The following KIAA1217 variants were observed in gnomAD, a reference collection of about 807,000 sequenced individuals.
The protein encoded by KIAA1217 is sickle tail protein homolog.
In KIAA1217, 88 loss-of-function variants were observed where a neutral mutation model predicts 163.9. That is an observed-to-expected ratio of 0.54 (90% CI 0.45 to 0.64). KIAA1217 has a LOEUF of 0.64. Ranked by LOEUF, KIAA1217 falls within the 30% of genes least tolerant of loss-of-function variation. The pLI is 0.00. For synonymous variants in KIAA1217, 903 were observed against 923.1 expected, an observed-to-expected ratio of 0.98 and a Z score of 0.39; for missense variants, 2,372 against 2,475.0, an observed-to-expected ratio of 0.96 and a Z score of 0.88.
intron 2 of KIAA1217, among the ~76,000 whole-genome samples, chr10:24,318,049 G>A (rs1024738369): frequency 2.0e-5 from 3 of 152,168 alleles, no homozygotes; most frequent in African/African-American, 7.2e-5. Flanking sequence ...GCTCATGCCT[G>A]CAATCCCAGC....
intron 1 of KIAA1217, among the ~76,000 whole-genome samples, chr10:23,951,607 T>C (rs1159630056): frequency 3.3e-5 from 5 of 152,050 alleles, no homozygotes; most frequent in African/African-American, 1.2e-4. Flanking sequence ...GAGCCATGAT[T>C]GTACCACTGC....
At chr10:24,093,308 T>C (rs1245360531) in intron 2 of KIAA1217, among the ~76,000 whole-genome samples, 3 of 151,574 alleles carry the variant, frequency 2.0e-5, no homozygotes, top group African/African-American at 2.4e-5. Context: ...GTAGCTGGGA[T>C]TACAGGCACC....
At chr10:23,711,039 AC>A (rs1837219420) in intron 1 of KIAA1217, among the ~76,000 whole-genome samples, 1 of 152,126 alleles carries the variant, frequency 6.6e-6, no homozygotes, top group African/African-American at 2.4e-5. Flanking sequence ...ATTGACTCTT[AC>A]TCTTTATCTA....
intron 14 of KIAA1217, among the ~76,000 whole-genome samples, 193 bp downstream of exon 14, chr10:24,528,312 TTTTTTTTTTG>T (rs2072530742): frequency 7.6e-6 from 1 of 131,654 alleles, no homozygotes; most frequent in Non-Finnish European, 1.7e-5. Flanking sequence ...TCTTTTTGTT[TTTTTTTTTTG>T]TTTTTTTTTT....
intron 2 of KIAA1217, among the ~76,000 whole-genome samples, chr10:24,373,140 C>T (rs2051924587): frequency 6.6e-6 from 1 of 152,198 alleles, no homozygotes; most frequent in Non-Finnish European, 1.5e-5. Context: ...TTATGGGGAC[C>T]TTTGCCAAGT....
chr10:24,213,724 ATGCT>A (rs2068454280), intron 1 of KIAA1217, among the ~76,000 whole-genome samples: 1 of 152,220 alleles, frequency 6.6e-6, no homozygotes, highest in Non-Finnish European at 1.5e-5. Flanking sequence ...TTGACACAGA[ATGCT>A]TTTCTGGGAA....
At chr10:23,774,654 C>T (rs1411795772) in intron 1 of KIAA1217, among the ~76,000 whole-genome samples, 2 of 152,210 alleles carry the variant, frequency 1.3e-5, no homozygotes, top group East Asian at 3.9e-4. Flanking sequence ...GCTCTAACAT[C>T]AGCCAGGGGT....
intron 2 of KIAA1217, among the ~76,000 whole-genome samples, chr10:24,097,900 G>A (rs10828599): frequency 0.22 from 32,783 of 151,950 alleles, 6,912 homozygotes; most frequent in African/African-American, 0.55. Flanking sequence ...GAACAGCCAC[G>A]GCACCAATGG....
At chr10:24,297,273 A>G (rs539712789) in intron 2 of KIAA1217, among the ~76,000 whole-genome samples, 1 of 152,366 alleles carries the variant, frequency 6.6e-6, no homozygotes, top group African/African-American at 2.4e-5. Flanking sequence ...AAACAGATCC[A>G]CTGACTACAT....
At chr10:23,954,300 C>A (rs941949066) in intron 1 of KIAA1217, among the ~76,000 whole-genome samples, 1 of 152,210 alleles carries the variant, frequency 6.6e-6, no homozygotes, top group South Asian at 2.1e-4. Flanking sequence ...CATGGTGGCT[C>A]ATGCCTATAA....
chr10:24,488,832 C>T (rs991851593), intron 6 of KIAA1217, among the ~76,000 whole-genome samples: 1 of 152,128 alleles, frequency 6.6e-6, no homozygotes, highest in African/African-American at 2.4e-5. Context: ...ATGCCTTCGG[C>T]ACTGCCAAGA....
chr10:24,423,138 C>T (rs2058884363), intron 3 of KIAA1217, among the ~76,000 whole-genome samples: 1 of 151,910 alleles, frequency 6.6e-6, no homozygotes, highest in South Asian at 2.1e-4. Context: ...AGGATGGTCT[C>T]GATCTCCTGA....
intron 3 of KIAA1217, among the ~76,000 whole-genome samples, chr10:24,385,308 T>G (rs1050056655): frequency 6.6e-6 from 1 of 152,192 alleles, no homozygotes; most frequent in Non-Finnish European, 1.5e-5. Flanking sequence ...CTGGGAGAAA[T>G]GCAGGAAGGC....
intron 3 of KIAA1217, among the ~76,000 whole-genome samples, chr10:24,411,766 C>CT (rs925233784): frequency 3.3e-5 from 5 of 149,774 alleles, no homozygotes; most frequent in East Asian, 3.9e-4. Flanking sequence ...TCCAACATGA[C>CT]TTTTTTTTTT....
At chr10:24,474,082 C>G in intron 6 of KIAA1217, 22 bp downstream of exon 6, 3 of 1,552,084 alleles carry the variant, frequency 1.9e-6, no homozygotes, top group South Asian at 1.2e-5. Flanking sequence ...TGAGGGTGAC[C>G]GAGGGTGGTA....
At chr10:24,158,221 A>C in intron 2 of KIAA1217, 1 of 733,800 alleles carries the variant, frequency 1.4e-6, no homozygotes, top group Non-Finnish European at 2.6e-6. Flanking sequence ...TACTCCTGGA[A>C]CAGGGCAAAG....
At chr10:24,174,950 C>T (rs1023656581) in intron 2 of KIAA1217, among the ~76,000 whole-genome samples, 6 of 151,914 alleles carry the variant, frequency 3.9e-5, no homozygotes, top group African/African-American at 1.2e-4. Flanking sequence ...CTCTGCCTCC[C>T]GGGTTCAACT....
In KIAA1217 at chr10:23,818,331, T is replaced by TATATATATATAACACTATATATATA. The variant is rs1343079104; in HGVS notation, c.-321+123097_-321+123098insATATATATATAACACTATATATATA. ...TATATATATAACACTATATATATATTTTATATATATATATAAAAAAATATA... is the reference window on the plus strand; with the variant it reads ...TATATATATAACACTATATATATATTATATATATATAACACTATATATATATTATATATATATATAAAAAAATATA... On this transcript the variant is annotated intron_variant, in intron 1 of 18. Transcript: ENST00000376462. 5.9e-3 allele frequency among the ~76,000 whole-genome samples: 514 copies of TATATATATATAACACTATATATATA among 86,796 alleles called. 21 individuals carry two copies. The East Asian group carries it at 0.095, about 16-fold the overall frequency. 56.9% of individuals were successfully genotyped at this position (86,796 alleles called of 152,430 possible). A position where few individuals can be genotyped will look rare whatever the true frequency, so the allele number is the denominator to read the frequency against.
At chr10:24,526,066 A>T (rs2072106705) in intron 13 of KIAA1217, among the ~76,000 whole-genome samples, 1 of 152,202 alleles carries the variant, frequency 6.6e-6, no homozygotes, top group South Asian at 2.1e-4. Context: ...GTGCTCCGAT[A>T]ACACATTTGT....
Sources: allele counts gnomAD v4.1 joint callset (sites outside exome capture counted in the v4.1 genomes callset), GRCh38; gene constraint gnomAD v4.1.1; transcripts MANE v1.5; gene names NCBI Gene and HGNC (gene_info 2026-07-23, HGNC 2026-07-21).